Variants in EEF1D observed in about 807,000 individuals in gnomAD.
The protein encoded by EEF1D is eukaryotic translation elongation factor 1 delta.
A neutral mutation model predicts 63.9 loss-of-function variants in EEF1D; 47 were observed. The observed-to-expected ratio is 0.74, with a 90% CI of 0.58 to 0.94. The LOEUF (loss-of-function observed/expected upper bound fraction) is 0.94. Ranked by LOEUF, EEF1D falls within the 40% of genes least tolerant of loss-of-function variation. The probability of loss-of-function intolerance (pLI) is 0.00; values close to 1 mark genes in which losing one functional copy is unlikely to be tolerated. For synonymous variants in EEF1D, 412 were observed against 386.1 expected (o/e 1.07, Z -0.79); for missense variants, 907 against 899.0 (o/e 1.01, Z -0.11).
At chr8:143,587,761 G>A (rs1204568018) in intron 3 of EEF1D, among the ~76,000 whole-genome samples, 1 of 152,254 alleles carries the variant, frequency 6.6e-6, no homozygotes, top group African/African-American at 2.4e-5. Flanking sequence ...AATCCAGCCT[G>A]TGGTTTTACT....
In EEF1D at chr8:143,592,671, A is replaced by G; in HGVS notation, c.-14-11T>C. On this transcript the variant is annotated splice_polypyrimidine_tract_variant and intron_variant, in intron 1 of 9. Coordinates refer to ENST00000618139, the MANE Select transcript of EEF1D (RefSeq NM_001130053.5). ...CTTTGCTTTGGCCTCCTAGGACAGC[A>G]TGAAGGAAAAGCAGCAAGGTTAGAG... is the stretch of plus-strand genomic sequence containing the variant. The G allele has an allele frequency of 1.0e-6, 1 of 985,646 alleles. No individual in the cohort carries two copies. The highest frequency in any genetic ancestry group is 1.2e-6 in the Non-Finnish European group (1 of 830,066). 61.1% of individuals were successfully genotyped at this position (985,646 alleles called of 1,614,324 possible). A position where few individuals can be genotyped will look rare whatever the true frequency, so the allele number is the denominator to read the frequency against.
chr8:143,593,623 CGAG>C (rs1001054047), intron 1 of EEF1D, among the ~76,000 whole-genome samples: 2 of 152,144 alleles, frequency 1.3e-5, no homozygotes, highest in African/African-American at 4.8e-5. Context: ...CTGGTGGAGA[CGAG>C]GATGCTACGG....
chr8:143,596,041 G>A (rs1285804968), intron 1 of EEF1D: 3 of 152,368 alleles, frequency 2.0e-5, no homozygotes, highest in East Asian at 1.9e-4. Flanking sequence ...GCCAGTGCAC[G>A]GCACAGCCCA....
intron 1 of EEF1D, among the ~76,000 whole-genome samples, chr8:143,595,359 T>A (rs1209168761): frequency 1.3e-5 from 2 of 151,696 alleles, no homozygotes; most frequent in African/African-American, 4.9e-5. Flanking sequence ...ACATGAGCCA[T>A]GCGCCCAGCC....
intron 5 of EEF1D, among the ~76,000 whole-genome samples, chr8:143,584,638 T>A (rs1039613687): frequency 4.6e-5 from 7 of 152,002 alleles, no homozygotes; most frequent in African/African-American, 1.7e-4. Flanking sequence ...ATTCAGATGC[T>A]AAGGCCCTCG....
Position 143,581,339 on chromosome 8 carries a change from GGA to G in EEF1D, c.1288-13_1288-12del. On this transcript the variant is annotated splice_polypyrimidine_tract_variant and intron_variant, in intron 5 of 9. Transcript: ENST00000618139. The stretch of plus-strand genomic sequence containing the variant: ...CCCGGGGCCTGAGCTCTGCAAGGCA[GGA>G]GGAGGGGAGGGCTCAGTGCCCAGCC... 1 of 1,607,490 alleles carries G rather than the reference GGA, an allele frequency of 6.2e-7. No homozygotes were observed. The highest frequency in any genetic ancestry group is 8.5e-7 in the Non-Finnish European group (1 of 1,178,256).
Position 143,589,169 on chromosome 8 carries a change from A to G in EEF1D, c.913T>C (p.Cys305Arg), listed in dbSNP as rs751764088. ...TCTGCATCCTTCTGCAGGAAGTAACAGTAGGGCAAGGCAGAGGGGGCCTCC... is the reference window on the plus strand; with the variant it reads ...TCTGCATCCTTCTGCAGGAAGTAACGGTAGGGCAAGGCAGAGGGGGCCTCC... ...DGEAPSALPY[C>R]YFLQKDAEAP... The change falls in exon 3 of 10, where the codon TGT (cysteine) becomes CGT (arginine). Residue 305 changes from cysteine (C) to arginine (R), a missense_variant. Transcript: ENST00000618139. 4 of 1,605,346 alleles carry G rather than the reference A, an allele frequency of 2.5e-6. No individual in the cohort carries two copies. In the South Asian group the frequency reaches 4.4e-5, roughly 18 times the overall value.
At position 143,588,773 on chromosome 8, in the gene EEF1D, C is replaced by G. The variant is rs530457025; in HGVS notation, c.1091+218G>C. The G allele has an allele frequency of 5.8e-4, 375 of 643,806 alleles. 1 individual carries two copies. The African/African-American group carries it at 6.2e-3, about 11-fold the overall frequency. 39.9% of individuals were successfully genotyped at this position (643,806 alleles called of 1,614,324 possible). A position where few individuals can be genotyped will look rare whatever the true frequency, so the allele number is the denominator to read the frequency against. ...CCCTTCCCTGCCCTCATCCAGGCAG[C>G]CTGGAACTTTGTAACCTCAAGCAGT... On this transcript the variant is annotated intron_variant, in intron 3 of 9. Transcript: ENST00000618139.
In EEF1D at chr8:143,580,172, G is replaced by T; in HGVS notation, c.1745C>A (p.Ala582Asp). 1 of 1,613,702 alleles carries T rather than the reference G, an allele frequency of 6.2e-7. No homozygotes were observed. The highest frequency in any genetic ancestry group is 8.5e-7 in the Non-Finnish European group (1 of 1,179,994). ...DDETDMAQLEACVRSIQLDGL... is the reference protein window; with the variant it reads ...DDETDMAQLEDCVRSIQLDGL... ...GTCCAGCTGGATAGAGCGCACACAG[G>T]CCTCCAGCTGGGCCATGTCCGTCTC... The change falls in exon 9 of 10, where the codon GCC becomes GAC. Residue 582 changes from alanine (A) to aspartate (D), a missense_variant. By Grantham distance (126) the Ala-to-Asp change is moderately radical. Coordinates refer to ENST00000618139, the MANE Select transcript of EEF1D (RefSeq NM_001130053.5).
chr8:143,586,347 TA>T, intron 4 of EEF1D, 57 bp from the exon 5 acceptor site: 1 of 1,435,448 alleles, frequency 7.0e-7, no homozygotes, highest in Non-Finnish European at 9.3e-7. Flanking sequence ...AGAATTTAAT[TA>T]AAAAACAAAC....
Position 143,586,208 on chromosome 8 carries a change from C to T in EEF1D, c.1287+11G>A, listed in dbSNP as rs767944471. The T allele has an allele frequency of 2.6e-5, 42 of 1,607,464 alleles. No individual in the cohort carries two copies. The highest frequency in any genetic ancestry group is 7.7e-5 in the South Asian group (7 of 90,348). ...CAGGAGCCCGCAGGTCCGTGGGCCG[C>T]GGGTACTCACTCCAGCCAGGGATTT... is the stretch of plus-strand genomic sequence containing the variant. On this transcript the variant is annotated intron_variant, in intron 5 of 9. Coordinates refer to ENST00000618139, the MANE Select transcript of EEF1D (RefSeq NM_001130053.5).
rs115462529 is a variant in EEF1D, at chr8:143,581,117, C to T, written c.1425G>A (p.Glu475=). ...TCTTCTCCAGCACGTTCAGCCGGGC[C>T]TCCAGCTTGGAGATGGCCTGCTGCA... ...QELQQAISKL[E]ARLNVLEKSS... The change falls in exon 7 of 10, where the codon GAG becomes GAA. Residue 475 remains glutamate, a synonymous_variant. Coordinates refer to ENST00000618139, the MANE Select transcript of EEF1D (RefSeq NM_001130053.5). The T allele has an allele frequency of 1.1e-3, 1,816 of 1,612,974 alleles. 21 individuals are homozygous for T. In the African/African-American group the frequency reaches 0.021, roughly 19 times the overall value.
At chr8:143,585,109 G>A (rs964479238) in intron 5 of EEF1D, among the ~76,000 whole-genome samples, 4 of 152,088 alleles carry the variant, frequency 2.6e-5, no homozygotes, top group African/African-American at 7.2e-5. Flanking sequence ...GAGAATCTCC[G>A]GCGCCCACGT....
intron 1 of EEF1D, chr8:143,592,976 A>T (rs1186963549): frequency 2.6e-5 from 4 of 152,344 alleles, no homozygotes; most frequent in African/African-American, 9.7e-5. Flanking sequence ...ATCTGAGCCA[A>T]CCTTTCCCAA....
At chr8:143,585,892 C>T (rs1356271734) in intron 5 of EEF1D, 2 of 359,948 alleles carry the variant, frequency 5.6e-6, no homozygotes, top group East Asian at 4.4e-5. Context: ...CCACAGGGAG[C>T]AAGCAGGGAG....
At chr8:143,585,462 A>G (rs1008300919) in intron 5 of EEF1D, among the ~76,000 whole-genome samples, 2 of 152,192 alleles carry the variant, frequency 1.3e-5, no homozygotes, top group Non-Finnish European at 2.9e-5. Context: ...CGTGAGACAC[A>G]TTTCAGATTT....
intron 5 of EEF1D, chr8:143,581,540 G>A (rs147641853): frequency 0.01 from 5,954 of 585,914 alleles, 37 homozygotes; most frequent in Non-Finnish European, 0.013. Context: ...GTCCAGGACA[G>A]GAGGCTCTTG....
At chr8:143,579,915 T>G in intron 9 of EEF1D, 85 bp from the exon 10 acceptor site, 2 of 1,549,752 alleles carry the variant, frequency 1.3e-6, no homozygotes, top group South Asian at 2.5e-5. Context: ...TGGGGTTCAC[T>G]CTGGGACTCG....
At position 143,586,180 on chromosome 8, in the gene EEF1D, G is replaced by A. The variant is rs373809846; in HGVS notation, c.1287+39C>T. Reference sequence around the variant, plus strand: ...GAAAAATCAGACATGCTGCTTGGCCGAGCAGGAGCCCGCAGGTCCGTGGGC... The same window carrying A: ...GAAAAATCAGACATGCTGCTTGGCCAAGCAGGAGCCCGCAGGTCCGTGGGC... On this transcript the variant is annotated intron_variant, in intron 5 of 9. Coordinates refer to ENST00000618139, the MANE Select transcript of EEF1D (RefSeq NM_001130053.5). 7.9e-5 allele frequency: 125 copies of A among 1,577,532 alleles called. No homozygotes were observed. In the Middle Eastern group the frequency reaches 2.3e-3, roughly 29 times the overall value.
Sources: gnomAD v4.1 joint callset for allele counts (sites outside exome capture counted in the v4.1 genomes callset) on GRCh38, gnomAD v4.1.1 for gene constraint, MANE v1.5 for transcripts, NCBI Gene and HGNC (gene_info 2026-07-23, HGNC 2026-07-21) for gene names.